Variants in CBLN2 observed in about 807,000 individuals in gnomAD.
CBLN2 encodes cerebellin-2.
A neutral mutation model predicts 15.0 loss-of-function variants in CBLN2; 7 were observed. That is an observed-to-expected ratio of 0.47 (90% CI 0.27 to 0.88). The LOEUF (loss-of-function observed/expected upper bound fraction) is 0.88, where lower values mean the gene tolerates loss of function less well. CBLN2 is among the 40% of genes least tolerant of loss of function. CBLN2 has a pLI of 0.14. For synonymous variants in CBLN2, 149 were observed against 135.2 expected, an observed-to-expected ratio of 1.10 and a Z score of -0.71; for missense variants, 242 against 304.5, an observed-to-expected ratio of 0.79 and a Z score of 1.53.
At chr18:72,627,562 TCACCAAATCC>T (rs1297526018) in intron 1 of CBLN2, among the ~76,000 whole-genome samples, 1 of 152,214 alleles carries the variant, frequency 6.6e-6, no homozygotes, top group Non-Finnish European at 1.5e-5. Context: ...TGGTTGTGCT[TCACCAAATCC>T]CAGTAATTAT....
At chr18:72,569,709 G>A (rs1449099673) in intron 1 of CBLN2, among the ~76,000 whole-genome samples, 1 of 152,034 alleles carries the variant, frequency 6.6e-6, no homozygotes, top group Admixed American at 6.6e-5. Context: ...TCCTTTAAAT[G>A]GCCAGATCTC....
chr18:72,637,990 G>T (rs1292612611), intron 1 of CBLN2, among the ~76,000 whole-genome samples: 1 of 152,222 alleles, frequency 6.6e-6, no homozygotes, highest in Non-Finnish European at 1.5e-5. Flanking sequence ...CACCAAGGAA[G>T]TGAGCATCCC....
intron 1 of CBLN2, among the ~76,000 whole-genome samples, chr18:72,635,593 T>C (rs1373105372): frequency 6.6e-6 from 1 of 152,158 alleles, no homozygotes; most frequent in East Asian, 1.9e-4. Context: ...GAAAAAACAT[T>C]AACCTTTTAA....
upstream of CBLN2, among the ~76,000 whole-genome samples, chr18:72,546,305 C>T (rs666195): frequency 0.15 from 22,632 of 151,808 alleles, 1,807 homozygotes; most frequent in Admixed American, 0.21. Flanking sequence ...GGCGTGGTGG[C>T]GGACGCCTGT....
chr18:72,564,788 G>T (rs2069283587), intron 1 of CBLN2, among the ~76,000 whole-genome samples: 1 of 152,130 alleles, frequency 6.6e-6, no homozygotes, highest in Non-Finnish European at 1.5e-5. Context: ...TGAACATCCA[G>T]ATCCATGAAG....
chr18:72,623,848 G>A (rs947342208), intron 1 of CBLN2, among the ~76,000 whole-genome samples: 11 of 152,144 alleles, frequency 7.2e-5, no homozygotes, highest in Non-Finnish European at 1.2e-4. Context: ...AGAATTCACC[G>A]GACTGATCGC....
intron 1 of CBLN2, among the ~76,000 whole-genome samples, chr18:72,591,799 C>A (rs557503756): frequency 6.6e-6 from 1 of 152,222 alleles, no homozygotes; most frequent in East Asian, 1.9e-4. Flanking sequence ...TTCTCCAGTT[C>A]CATCTATGTT....
chr18:72,595,856 G>T (rs2069509989), intron 1 of CBLN2, among the ~76,000 whole-genome samples: 2 of 151,640 alleles, frequency 1.3e-5, no homozygotes, highest in African/African-American at 4.8e-5. Flanking sequence ...CTTTTTTTAA[G>T]TTTCAGTTGG....
chr18:72,632,561 T>C (rs1296700841), intron 1 of CBLN2, among the ~76,000 whole-genome samples: 1 of 152,182 alleles, frequency 6.6e-6, no homozygotes, highest in Non-Finnish European at 1.5e-5. Flanking sequence ...ATCACTCTTT[T>C]ACAATGTGGC....
At chr18:72,559,038 G>C (rs1274497529) in intron 1 of CBLN2, among the ~76,000 whole-genome samples, 1 of 152,138 alleles carries the variant, frequency 6.6e-6, no homozygotes, top group African/African-American at 2.4e-5. Context: ...CTGGGCAATG[G>C]GAGTGAGACC....
At chr18:72,619,831 C>G (rs1309036594) in intron 1 of CBLN2, among the ~76,000 whole-genome samples, 3 of 152,134 alleles carry the variant, frequency 2.0e-5, no homozygotes, top group Non-Finnish European at 4.4e-5. Context: ...TTTCTTGACC[C>G]CTTAATGGGA....
At chr18:72,589,085 A>G (rs551510154) in intron 1 of CBLN2, among the ~76,000 whole-genome samples, 4 of 152,258 alleles carry the variant, frequency 2.6e-5, no homozygotes, top group South Asian at 4.2e-4. Flanking sequence ...TCATTCACTC[A>G]TCGGTGGGAG....
chr18:72,619,472 G>A (rs1422583672), intron 1 of CBLN2, among the ~76,000 whole-genome samples: 1 of 152,084 alleles, frequency 6.6e-6, no homozygotes, highest in African/African-American at 2.4e-5. Context: ...TCCAACAAAG[G>A]GTTTTAATAT....
intron 1 of CBLN2, among the ~76,000 whole-genome samples, chr18:72,562,527 A>G (rs2069268515): frequency 6.6e-6 from 1 of 152,186 alleles, no homozygotes; most frequent in South Asian, 2.1e-4. Context: ...AGTGATAGGA[A>G]CACATTTGAC....
intron 1 of CBLN2, among the ~76,000 whole-genome samples, chr18:72,599,533 G>T (rs1161532461): frequency 2.0e-5 from 3 of 152,108 alleles, no homozygotes; most frequent in African/African-American, 7.2e-5. Context: ...AACTAATTTT[G>T]TGGAGTTTTT....
chr18:72,619,019 G>A, intron 1 of CBLN2: 2 of 762,346 alleles, frequency 2.6e-6, no homozygotes, highest in East Asian at 2.5e-5. Context: ...AATGATGGAA[G>A]CAATTTTGGA....
intron 1 of CBLN2, among the ~76,000 whole-genome samples, chr18:72,609,895 C>T (rs1229339320): frequency 6.6e-6 from 1 of 152,186 alleles, no homozygotes; most frequent in African/African-American, 2.4e-5. Flanking sequence ...TTCTGCTTTG[C>T]TCACAGCTGT....
At chr18:72,554,165 T>C (rs1314927628) in intron 1 of CBLN2, among the ~76,000 whole-genome samples, 2 of 152,200 alleles carry the variant, frequency 1.3e-5, no homozygotes, top group Admixed American at 1.3e-4. Flanking sequence ...TATTCTTATT[T>C]GCTGTTTTCA....
At chr18:72,583,132 T>G (rs1248168013) in intron 1 of CBLN2, among the ~76,000 whole-genome samples, 1 of 151,804 alleles carries the variant, frequency 6.6e-6, no homozygotes, top group African/African-American at 2.4e-5. Context: ...AGGACAAGAG[T>G]GAGGTCTGAT....
Sources: gnomAD v4.1 joint callset for allele counts (sites outside exome capture counted in the v4.1 genomes callset) on GRCh38, gnomAD v4.1.1 for gene constraint, MANE v1.5 for transcripts, NCBI Gene and HGNC (gene_info 2026-07-23, HGNC 2026-07-21) for gene names.